The following XPO1 variants were observed in gnomAD, a reference collection of about 807,000 sequenced individuals.
XPO1 encodes exportin-1.
In XPO1, 5 loss-of-function variants were observed where a neutral mutation model predicts 133.3. The observed-to-expected ratio is 0.04, with a 90% CI of 0.02 to 0.08. The LOEUF (loss-of-function observed/expected upper bound fraction) is 0.08, where lower values mean the gene tolerates loss of function less well. Ranked by LOEUF, XPO1 falls within the 10% of genes least tolerant of loss-of-function variation. The pLI is 1.00. For missense variants in XPO1, 506 were observed against 1,267.5 expected (o/e 0.40, Z 9.12); for synonymous variants, 419 against 408.2 (o/e 1.03, Z -0.32).
At chr2:61,486,107 G>A (rs943500655) in intron 19 of XPO1, 145 bp from the exon 20 acceptor site, 11 of 755,686 alleles carry the variant, frequency 1.5e-5, no homozygotes, top group African/African-American at 3.6e-5. Context: ...GGTTTCCTAC[G>A]TCAAAACAGT....
At chr2:61,494,342 G>C (rs974612034) in intron 11 of XPO1, 1 of 356,678 alleles carries the variant, frequency 2.8e-6, no homozygotes, top group Non-Finnish European at 5.2e-6. Flanking sequence ...CTAATGGAAC[G>C]ACATTTATTT....
chr2:61,493,234 A>T, intron 12 of XPO1, 181 bp from the exon 13 acceptor site: 2 of 510,378 alleles, frequency 3.9e-6, no homozygotes, highest in Admixed American at 3.8e-5. Flanking sequence ...TGTGGCCAGG[A>T]ATTTGAGAGC....
intron 23 of XPO1, among the ~76,000 whole-genome samples, chr2:61,482,034 C>CTTT (rs1195049382): frequency 5.6e-5 from 4 of 71,378 alleles, no homozygotes; most frequent in East Asian, 1.1e-3. Flanking sequence ...CGTGCGTGGC[C>CTTT]TTTTTTTTTT....
Position 61,478,976 on chromosome 2 carries a change from CAG to C in XPO1, c.3070-12_3070-11del, listed in dbSNP as rs766243993. 3.1e-6 allele frequency: 5 copies of C among 1,609,308 alleles called. 1 individual carries two copies. In the South Asian group the frequency reaches 3.3e-5, roughly 11 times the overall value. ...CTTCACCTGCAAATTCCTGTGAAAA[CAG>C]ATAGTTGAAATGTCAACGCAATAAA... On this transcript the variant is annotated splice_polypyrimidine_tract_variant and intron_variant, in intron 24 of 24. Transcript: ENST00000401558.
In XPO1 at chr2:61,497,077, T is replaced by G. The variant is rs144629927; in HGVS notation, c.760-70A>C. On this transcript the variant is annotated intron_variant, in intron 9 of 24. Coordinates refer to ENST00000401558, the MANE Select transcript of XPO1 (RefSeq NM_003400.4). ...ACACACTTTACTTAAAATTCACAAT[T>G]AAAAGGAAAAAGGCTTTAACAATTA... 4.9e-3 allele frequency: 7,565 copies of G among 1,531,864 alleles called. 15 individuals are homozygous for G. Among genetic ancestry groups the G allele is most frequent in the Non-Finnish European group, 6.1e-3 (6,951 of 1,144,582 alleles). The allele number at this position is 1,531,864 out of a possible 1,614,324, so 94.9% of individuals were successfully genotyped here. A position where few individuals can be genotyped will look rare whatever the true frequency, so the allele number is the denominator to read the frequency against.
chr2:61,519,454 C>CATGG (rs1698572728), intron 4 of XPO1, among the ~76,000 whole-genome samples: 1 of 150,826 alleles, frequency 6.6e-6, no homozygotes, highest in Non-Finnish European at 1.5e-5. Context: ...TCTCAACAGG[C>CATGG]ATGGAGGCCG....
chr2:61,500,138 C>T (rs767443949), intron 6 of XPO1, among the ~76,000 whole-genome samples: 3 of 152,106 alleles, frequency 2.0e-5, no homozygotes, highest in Admixed American at 1.3e-4. Flanking sequence ...AGGTCCAATC[C>T]GTCTAATGGG....
At chr2:61,520,173 C>T (rs1477710429) in intron 4 of XPO1, among the ~76,000 whole-genome samples, 1 of 151,632 alleles carries the variant, frequency 6.6e-6, no homozygotes, top group East Asian at 1.9e-4. Flanking sequence ...AAAAGCAAAG[C>T]GAATACCTTT....
At chr2:61,522,076 A>G (rs1465788620) in intron 4 of XPO1, among the ~76,000 whole-genome samples, 1 of 150,046 alleles carries the variant, frequency 6.7e-6, no homozygotes, top group Non-Finnish European at 1.5e-5. Flanking sequence ...ATTTATATAT[A>G]TGTTTTTTTG....
chr2:61,519,213 T>C (rs1185292938), intron 4 of XPO1, among the ~76,000 whole-genome samples: 2 of 152,140 alleles, frequency 1.3e-5, no homozygotes, highest in Non-Finnish European at 1.5e-5. Context: ...CCTCCCAAAG[T>C]GCTGGGATTA....
chr2:61,488,345 G>A (rs1351059021), intron 18 of XPO1, 74 bp from the exon 19 acceptor site: 10 of 1,390,790 alleles, frequency 7.2e-6, no homozygotes, highest in South Asian at 1.3e-5. Flanking sequence ...TACATTAGAT[G>A]CAATTCCATT....
intron 24 of XPO1, 128 bp downstream of exon 24, chr2:61,481,057 G>T: frequency 1.8e-6 from 1 of 545,472 alleles, no homozygotes; most frequent in Non-Finnish European, 3.2e-6. Flanking sequence ...TACAGAGATT[G>T]TGTAAACGTA....
chr2:61,507,987 C>T (rs1697910936), intron 4 of XPO1, among the ~76,000 whole-genome samples: 1 of 152,118 alleles, frequency 6.6e-6, no homozygotes, highest in South Asian at 2.1e-4. Flanking sequence ...TCAATGGATT[C>T]AGATACTGAC....
intron 4 of XPO1, chr2:61,502,745 T>G (rs1697595665): frequency 1.0e-5 from 1 of 96,668 alleles, no homozygotes; most frequent in African/African-American, 4.1e-5. Flanking sequence ...AGAGCAAGAC[T>G]TAAAAAAAAA....
At position 61,494,073 on chromosome 2, in the gene XPO1, A is replaced by G; in HGVS notation, c.1066T>C (p.Leu356=). The G allele has an allele frequency of 6.2e-7, 1 of 1,613,818 alleles. No individual in the cohort carries two copies. The highest frequency in any genetic ancestry group is 8.5e-7 in the Non-Finnish European group (1 of 1,179,924). The change falls in exon 12 of 25, where the codon TTG becomes CTG. Residue 356 remains leucine (L), a synonymous_variant. Transcript: ENST00000401558. ...TLMEALHYML[L]VSEVEETEIF... is the part of the protein sequence containing the mutation. Reference sequence around the variant, plus strand: ...TCAGTTTCTTCTACTTCAGATACCAACAACATATAATGAAGGGCCTACACA... The same window carrying G: ...TCAGTTTCTTCTACTTCAGATACCAGCAACATATAATGAAGGGCCTACACA...
At chr2:61,519,376 G>A (rs1698570130) in intron 4 of XPO1, among the ~76,000 whole-genome samples, 1 of 152,024 alleles carries the variant, frequency 6.6e-6, no homozygotes, top group East Asian at 1.9e-4. Flanking sequence ...ATTTATACAA[G>A]AGGCCTAAAT....
chr2:61,527,535 T>A (rs771103905), intron 2 of XPO1, among the ~76,000 whole-genome samples: 1 of 152,134 alleles, frequency 6.6e-6, no homozygotes. Flanking sequence ...TTATGTAATG[T>A]AGCAGGACAC....
chr2:61,507,607 G>A (rs1046838100), intron 4 of XPO1, among the ~76,000 whole-genome samples: 3 of 151,936 alleles, frequency 2.0e-5, no homozygotes, highest in African/African-American at 7.3e-5. Flanking sequence ...GCCGGGCACA[G>A]TGGCTCAAGC....
At chr2:61,488,819 C>G (rs372056324) in intron 17 of XPO1, 48 bp from the exon 18 acceptor site, 2 of 1,591,746 alleles carry the variant, frequency 1.3e-6, no homozygotes, top group Admixed American at 3.5e-5. Context: ...GAATTATCCA[C>G]GGCTGGGAAC....
Sources: gnomAD v4.1 joint callset for allele counts (sites outside exome capture counted in the v4.1 genomes callset) on GRCh38, gnomAD v4.1.1 for gene constraint, MANE v1.5 for transcripts, NCBI Gene and HGNC (gene_info 2026-07-23, HGNC 2026-07-21) for gene names.